GNG12: variants seen among roughly 807,000 people sequenced by gnomAD.
GNG12 encodes the protein G protein subunit gamma 12.
For synonymous variants in GNG12, 28 were observed against 29.7 expected, an observed-to-expected ratio of 0.94 and a Z score of 0.19; for missense variants, 69 against 83.8, an observed-to-expected ratio of 0.82 and a Z score of 0.69.
chr1:67,789,422 T>C (rs1646788483), intron 1 of GNG12, among the ~76,000 whole-genome samples: 1 of 152,124 alleles, frequency 6.6e-6, no homozygotes, highest in Admixed American at 6.5e-5. Flanking sequence ...TCATTAGCCT[T>C]AGAAAACTAA....
At chr1:67,771,655 C>T (rs990713316) in intron 2 of GNG12, among the ~76,000 whole-genome samples, 3 of 152,158 alleles carry the variant, frequency 2.0e-5, no homozygotes, top group South Asian at 2.1e-4. Context: ...CATCTGTGGG[C>T]GGGAAGGTGG....
chr1:67,770,968 ATG>A (rs963303655), intron 2 of GNG12, among the ~76,000 whole-genome samples: 1 of 151,984 alleles, frequency 6.6e-6, no homozygotes, highest in Non-Finnish European at 1.5e-5. Flanking sequence ...ACCTGTGTGC[ATG>A]TGTGTGTGCG....
At chr1:67,763,120 A>AGAGAGAGAG (rs1553157312) in intron 2 of GNG12, among the ~76,000 whole-genome samples, 5 of 151,146 alleles carry the variant, frequency 3.3e-5, no homozygotes, top group South Asian at 2.1e-4. Context: ...AGAGAGAGAG[A>AGAGAGAGAG]ATCAATATGA....
chr1:67,802,515 C>T (rs1646872303), intron 1 of GNG12, among the ~76,000 whole-genome samples: 1 of 152,150 alleles, frequency 6.6e-6, no homozygotes, highest in Admixed American at 6.5e-5. Context: ...CTGCCTCTTT[C>T]CCAGAAGCAA....
chr1:67,812,896 C>G (rs1646933788), intron 1 of GNG12, among the ~76,000 whole-genome samples: 1 of 152,210 alleles, frequency 6.6e-6, no homozygotes, highest in Non-Finnish European at 1.5e-5. Flanking sequence ...CTTAAGTACA[C>G]TCTTCATGAC....
chr1:67,768,600 G>C (rs1646654908), intron 2 of GNG12, among the ~76,000 whole-genome samples: 3 of 152,146 alleles, frequency 2.0e-5, no homozygotes, highest in Admixed American at 1.3e-4. Flanking sequence ...TGGGCCACTG[G>C]CTAAGTTCAC....
intron 1 of GNG12, among the ~76,000 whole-genome samples, chr1:67,808,170 A>G (rs1465736818): frequency 1.3e-5 from 2 of 152,134 alleles, no homozygotes; most frequent in African/African-American, 4.8e-5. Context: ...CAATTAATGG[A>G]ATCCATCCCA....
chr1:67,756,300 T>A (rs1303707343), intron 2 of GNG12, among the ~76,000 whole-genome samples: 1 of 152,172 alleles, frequency 6.6e-6, no homozygotes, highest in Non-Finnish European at 1.5e-5. Context: ...AGTAGCATGA[T>A]CAGGTCTGTA....
At position 67,705,676 on chromosome 1, in the gene GNG12, T is replaced by G. The variant is rs1430408068; in HGVS notation, c.94-100A>C. 4.8e-5 allele frequency: 69 copies of G among 1,428,262 alleles called. 1 individual carries two copies. The Admixed American group carries it at 1.8e-3, about 38-fold the overall frequency. The allele number at this position is 1,428,262 out of a possible 1,614,324, so 88.5% of individuals were successfully genotyped here. Reference sequence around the variant, plus strand: ...TAGGCTATTGAATGGAAGACTGATTTGAACAAGATAATCAGAGTCTCAAAG... The same window carrying G: ...TAGGCTATTGAATGGAAGACTGATTGGAACAAGATAATCAGAGTCTCAAAG... On this transcript the variant is annotated intron_variant, in intron 3 of 3. Coordinates refer to ENST00000370982, the MANE Select transcript of GNG12 (RefSeq NM_018841.6).
intron 1 of GNG12, among the ~76,000 whole-genome samples, chr1:67,791,886 G>A (rs1646803644): frequency 6.6e-6 from 1 of 152,098 alleles, no homozygotes; most frequent in Non-Finnish European, 1.5e-5. Flanking sequence ...TGGCCCATCA[G>A]CAGCTATGAG....
chr1:67,718,844 A>G (rs911597347), intron 2 of GNG12, among the ~76,000 whole-genome samples: 3 of 152,250 alleles, frequency 2.0e-5, no homozygotes, highest in Admixed American at 2.0e-4. Flanking sequence ...GATCCTCTCT[A>G]ATGTTTTTGC....
intron 2 of GNG12, among the ~76,000 whole-genome samples, chr1:67,744,164 A>AC (rs1296513693): frequency 1.3e-5 from 2 of 152,242 alleles, no homozygotes; most frequent in Non-Finnish European, 2.9e-5. Context: ...ATGAGGGGGT[A>AC]CTTCTATCAT....
intron 3 of GNG12, 113 bp from the exon 4 acceptor site, chr1:67,705,689 CAG>C: frequency 7.1e-7 from 1 of 1,406,400 alleles, no homozygotes; most frequent in Non-Finnish European, 9.3e-7. Context: ...ACAAGATAAT[CAG>C]AGTCTCAAAG....
chr1:67,744,381 C>A (rs1365704971), intron 2 of GNG12, among the ~76,000 whole-genome samples: 4 of 152,142 alleles, frequency 2.6e-5, no homozygotes, highest in Non-Finnish European at 4.4e-5. Context: ...AACTCCAGAG[C>A]CTGAGATGAA....
At chr1:67,828,391 C>T (rs770199153) in intron 1 of GNG12, among the ~76,000 whole-genome samples, 1 of 152,312 alleles carries the variant, frequency 6.6e-6, no homozygotes, top group Middle Eastern at 3.4e-3. Flanking sequence ...CTGGATGCAC[C>T]TCCATCTCCG....
chr1:67,744,104 G>C (rs1455522700), intron 2 of GNG12, among the ~76,000 whole-genome samples: 2 of 152,152 alleles, frequency 1.3e-5, no homozygotes, highest in Non-Finnish European at 2.9e-5. Flanking sequence ...CTATGTACCA[G>C]GTACTGGTGC....
chr1:67,812,067 A>G (rs199696182), intron 1 of GNG12, among the ~76,000 whole-genome samples: 2 of 152,182 alleles, frequency 1.3e-5, no homozygotes, highest in East Asian at 3.9e-4. Context: ...CTATGGAGTA[A>G]TGGCTTAGGG....
chr1:67,762,851 A>G (rs576729865), intron 2 of GNG12, among the ~76,000 whole-genome samples: 1 of 152,266 alleles, frequency 6.6e-6, no homozygotes, highest in Admixed American at 6.5e-5. Context: ...TAAAAAATCA[A>G]AGGAAACCTT....
At chr1:67,765,394 A>T (rs1646630192) in intron 2 of GNG12, among the ~76,000 whole-genome samples, 1 of 152,244 alleles carries the variant, frequency 6.6e-6, no homozygotes, top group African/African-American at 2.4e-5. Flanking sequence ...AACAATGAAG[A>T]TGATAAACAT....
Sources: allele counts gnomAD v4.1 joint callset (sites outside exome capture counted in the v4.1 genomes callset), GRCh38; gene constraint gnomAD v4.1.1; transcripts MANE v1.5; gene names NCBI Gene and HGNC (gene_info 2026-07-23, HGNC 2026-07-21).